The following FAT4 variants were observed in gnomAD, a reference collection of about 807,000 sequenced individuals.
FAT4 encodes FAT atypical cadherin 4, also known as protocadherin Fat 4.
Under a neutral mutation model 303.9 loss-of-function variants are expected in FAT4, and 84 were observed. The observed-to-expected ratio is 0.28, with a 90% confidence interval of 0.23 to 0.33. The LOEUF (loss-of-function observed/expected upper bound fraction) is 0.33. Among genes scored for constraint, FAT4 ranks in the 10% least tolerant of loss-of-function variants. The pLI is 1.00. For missense variants in FAT4, 6,005 were observed against 6,146.8 expected (o/e 0.98, Z 0.77); for synonymous variants, 2,307 against 2,298.8 (o/e 1.00, Z -0.10).
intron 14 of FAT4, among the ~76,000 whole-genome samples, chr4:125,477,850 G>A (rs947542987): frequency 3.3e-5 from 5 of 152,008 alleles, no homozygotes; most frequent in Non-Finnish European, 5.9e-5. Context: ...ACTTAGGGAT[G>A]TTAGAAATTA....
intron 2 of FAT4, among the ~76,000 whole-genome samples, chr4:125,358,343 G>T (rs985383652): frequency 6.6e-6 from 1 of 151,930 alleles, no homozygotes; most frequent in African/African-American, 2.4e-5. Flanking sequence ...TACATTTATC[G>T]TGCACTTTAT....
chr4:125,467,670 T>A (rs1438226960), intron 11 of FAT4, among the ~76,000 whole-genome samples: 1 of 152,140 alleles, frequency 6.6e-6, no homozygotes, highest in African/African-American at 2.4e-5. Flanking sequence ...TAAAAGACAG[T>A]TATTTCCTTT....
intron 2 of FAT4, among the ~76,000 whole-genome samples, chr4:125,367,286 AT>A (rs1195416761): frequency 1.3e-5 from 2 of 152,154 alleles, no homozygotes; most frequent in African/African-American, 4.8e-5. Context: ...TTTGCCAGAC[AT>A]TTTTCTACAC....
intron 17 of FAT4, among the ~76,000 whole-genome samples, chr4:125,488,188 A>AT (rs1333365325): frequency 2.0e-5 from 3 of 152,184 alleles, no homozygotes; most frequent in South Asian, 2.1e-4. Flanking sequence ...GTTGATAGGA[A>AT]TTTTTTTAAA....
At chr4:125,371,315 A>ATATACAAATAATTAGT (rs1428357693) in intron 2 of FAT4, among the ~76,000 whole-genome samples, 2 of 151,850 alleles carry the variant, frequency 1.3e-5, no homozygotes, top group East Asian at 3.9e-4. Context: ...ATAATATTAA[A>ATATACAAATAATTAGT]TATACAAATA....
At position 125,491,175 on chromosome 4, in the gene FAT4, G is replaced by A. The variant is rs1727623955; in HGVS notation, c.14359G>A (p.Val4787Ile). Reference protein sequence around the residue: ...GQIPLESSPPVGLSIEEVERL... With the variant: ...GQIPLESSPPIGLSIEEVERL... ...GATTCCACTGGAATCTTCTCCTCCA[G>A]TCGGACTTTCTATTGAAGAAGTGGA... Residue 4787 changes from valine to isoleucine, a missense_variant, in exon 18 of 18, where the codon GTC (valine) becomes ATC (isoleucine). Physicochemically the swap from Val to Ile is conservative, Grantham distance 29. Transcript: ENST00000394329. 3 of 1,613,976 alleles carry A rather than the reference G, an allele frequency of 1.9e-6. No individual in the cohort carries two copies. The highest frequency in any genetic ancestry group is 2.5e-6 in the Non-Finnish European group (3 of 1,180,028).
rs1412029309 is a variant in FAT4 at position 125,321,299 on chromosome 4, A to T, written c.4888A>T (p.Thr1630Ser). 2 of 1,613,970 alleles carry T rather than the reference A, an allele frequency of 1.2e-6. No homozygotes were observed. Among genetic ancestry groups the T allele is most frequent in the African/African-American group, 2.7e-5 (2 of 74,888 alleles). ...ILQGLDGPVF[T>S]QPKYITILKE... Reference sequence around the variant, plus strand: ...TCAGGGCCTTGATGGACCTGTTTTTACTCAACCCAAATATATAACTATTTT... The same window carrying T: ...TCAGGGCCTTGATGGACCTGTTTTTTCTCAACCCAAATATATAACTATTTT... The change falls in exon 2 of 18, where the codon ACT becomes TCT. Residue 1630 changes from threonine to serine, a missense_variant. Coordinates refer to ENST00000394329, the MANE Select transcript of FAT4 (RefSeq NM_001291303.3).
intron 3 of FAT4, among the ~76,000 whole-genome samples, 183 bp downstream of exon 3, chr4:125,399,098 G>A (rs1734290595): frequency 6.6e-6 from 1 of 151,976 alleles, no homozygotes; most frequent in Non-Finnish European, 1.5e-5. Flanking sequence ...CTATCAAGAG[G>A]TAATTTTCCT....
At chr4:125,421,557 C>A (rs1724891509) in intron 7 of FAT4, among the ~76,000 whole-genome samples, 1 of 152,186 alleles carries the variant, frequency 6.6e-6, no homozygotes. Context: ...ATATCTGCCA[C>A]TACTCTTTCA....
At chr4:125,379,329 A>C (rs1179373693) in intron 2 of FAT4, among the ~76,000 whole-genome samples, 2 of 151,756 alleles carry the variant, frequency 1.3e-5, no homozygotes, top group Non-Finnish European at 2.9e-5. Context: ...CTATTGACTA[A>C]CTGGGAACTC....
chr4:125,423,745 C>A (rs1177568719), intron 7 of FAT4, among the ~76,000 whole-genome samples: 1 of 152,168 alleles, frequency 6.6e-6, no homozygotes, highest in African/African-American at 2.4e-5. Context: ...GGGAGTGGGA[C>A]TGTACCCTGC....
At chr4:125,489,809 G>T (rs979755039) in intron 17 of FAT4, 92 bp from the exon 18 acceptor site, 4 of 1,042,410 alleles carry the variant, frequency 3.8e-6, no homozygotes, top group Non-Finnish European at 5.4e-6. Context: ...TGATTGTGGA[G>T]CTTCTCTTTA....
At chr4:125,404,661 A>G (rs1281167818) in intron 3 of FAT4, among the ~76,000 whole-genome samples, 3 of 152,162 alleles carry the variant, frequency 2.0e-5, no homozygotes, top group African/African-American at 7.2e-5. Flanking sequence ...GATGTTGTAC[A>G]GTAGATCTAG....
intron 9 of FAT4, among the ~76,000 whole-genome samples, chr4:125,447,050 T>C (rs1725851067): frequency 6.6e-6 from 1 of 152,134 alleles, no homozygotes; most frequent in South Asian, 2.1e-4. Flanking sequence ...TGTTAATATT[T>C]ATTTTATTCC....
At chr4:125,388,728 T>C (rs546905820) in intron 2 of FAT4, among the ~76,000 whole-genome samples, 2 of 152,318 alleles carry the variant, frequency 1.3e-5, no homozygotes, top group South Asian at 4.1e-4. Flanking sequence ...TAAATCCTTA[T>C]TTGGTTCTAA....
chr4:125,487,220 C>A, intron 16 of FAT4, 125 bp from the exon 17 acceptor site: 1 of 767,972 alleles, frequency 1.3e-6, no homozygotes, highest in Non-Finnish European at 2.0e-6. Flanking sequence ...TATTCTAATA[C>A]AACCAGATTC....
At chr4:125,393,854 A>C in intron 2 of FAT4, 2 of 700,006 alleles carry the variant, frequency 2.9e-6, no homozygotes, top group Non-Finnish European at 5.3e-6. Flanking sequence ...GTCTCTAAAT[A>C]AAATTATTTC....
chr4:125,327,192 A>G (rs1375999029), intron 2 of FAT4, among the ~76,000 whole-genome samples: 4 of 152,190 alleles, frequency 2.6e-5, no homozygotes, highest in African/African-American at 9.7e-5. Context: ...TTTCTAGAGC[A>G]GGGAAGAAGA....
chr4:125,472,279 T>C (rs1726891876), intron 12 of FAT4, among the ~76,000 whole-genome samples: 1 of 152,170 alleles, frequency 6.6e-6, no homozygotes, highest in Non-Finnish European at 1.5e-5. Flanking sequence ...TTAAAATATA[T>C]GACAACTTAT....
Sources: allele counts gnomAD v4.1 joint callset (sites outside exome capture counted in the v4.1 genomes callset), GRCh38; gene constraint gnomAD v4.1.1; transcripts MANE v1.5; gene names NCBI Gene and HGNC (gene_info 2026-07-23, HGNC 2026-07-21).